Variants in CLEC2D observed in about 807,000 individuals in gnomAD.
CLEC2D encodes C-type lectin domain family 2 member D, also known as C-type lectin related f.
Under a neutral mutation model 20.0 loss-of-function variants are expected in CLEC2D, and 16 were observed. That is an observed-to-expected ratio of 0.80 (90% CI 0.54 to 1.22). The LOEUF (loss-of-function observed/expected upper bound fraction) is 1.22. Ranked by LOEUF, CLEC2D falls within the 50% of genes most tolerant of loss-of-function variation. CLEC2D has a pLI of 0.00. For synonymous variants in CLEC2D, 77 were observed against 71.1 expected (o/e 1.08, Z -0.42); for missense variants, 207 against 221.5 (o/e 0.93, Z 0.42).
intron 3 of CLEC2D, among the ~76,000 whole-genome samples, chr12:9,688,523 G>A (rs1226018393): frequency 1.3e-5 from 2 of 152,148 alleles, no homozygotes; most frequent in Non-Finnish European, 2.9e-5. Flanking sequence ...TTTGAGATCA[G>A]CCTGGCCAAC....
At position 9,697,327 on chromosome 12, in the gene CLEC2D, A is replaced by G. The variant is rs904839517; in HGVS notation, c.*2453A>G. 2 of 152,230 alleles carry G rather than the reference A, an allele frequency of 1.3e-5. No individual in the cohort carries two copies. Among genetic ancestry groups the G allele is most frequent in the African/African-American group, 4.8e-5 (2 of 41,462 alleles). The allele number at this position is 152,230 out of a possible 1,614,324, so 9.4% of individuals were successfully genotyped here. ...CATGAGCGATCTGTGCCTTAAGGAC[A>G]TGTTCCTGCTGCAGTTAACTAGCCC... On this transcript the variant is annotated 3_prime_UTR_variant, in exon 5 of 5. Coordinates refer to ENST00000290855, the MANE Select transcript of CLEC2D (RefSeq NM_013269.6).
At chr12:9,692,540 C>A (rs1269342312) in intron 3 of CLEC2D, among the ~76,000 whole-genome samples, 1 of 152,074 alleles carries the variant, frequency 6.6e-6, no homozygotes, top group Non-Finnish European at 1.5e-5. Context: ...CTTGATAAAA[C>A]CCTGGTGTCA....
chr12:9,695,860 G>GCCT lies in CLEC2D; in HGVS notation c.*986_*987insCCT. 1 of 1,036,120 alleles carries GCCT rather than the reference G, an allele frequency of 9.7e-7. No homozygotes were observed. The highest frequency in any genetic ancestry group is 1.5e-6 in the Non-Finnish European group (1 of 668,914). The allele number at this position is 1,036,120 out of a possible 1,614,324, so 64.2% of individuals were successfully genotyped here. On this transcript the variant is annotated 3_prime_UTR_variant, in exon 5 of 5. Coordinates refer to ENST00000290855, the MANE Select transcript of CLEC2D (RefSeq NM_013269.6). The stretch of plus-strand genomic sequence containing the variant: ...AGTAAAACTTGCTGCTGCTGCTGAT[G>GCCT]ATGATGATGATGAAGATGATGATGA...
At chr12:9,675,994 A>G (rs1377720839) in intron 1 of CLEC2D, among the ~76,000 whole-genome samples, 1 of 152,256 alleles carries the variant, frequency 6.6e-6, no homozygotes, top group Non-Finnish European at 1.5e-5. Flanking sequence ...TGCATTCTGC[A>G]ACCTTACATA....
At chr12:9,682,393 A>C (rs1865654906) in intron 2 of CLEC2D, among the ~76,000 whole-genome samples, 1 of 152,070 alleles carries the variant, frequency 6.6e-6, no homozygotes. Flanking sequence ...TTATACTTTA[A>C]GTTCTGGGAT....
chr12:9,678,991 A>T (rs1321236964), intron 1 of CLEC2D, among the ~76,000 whole-genome samples: 1 of 152,214 alleles, frequency 6.6e-6, no homozygotes, highest in African/African-American at 2.4e-5. Flanking sequence ...AACTAACATA[A>T]GTTTGCTTTC....
chr12:9,695,231 C>T lies in CLEC2D; in HGVS notation c.*357C>T, dbSNP rs1299796948. The stretch of plus-strand genomic sequence containing the variant: ...GGTGGCAGGCAGGGGGACTTGTGCA[C>T]AGGAACTCCTATTTATACAACCATC... On this transcript the variant is annotated 3_prime_UTR_variant, in exon 5 of 5. Transcript: ENST00000290855. 8.1e-6 allele frequency: 5 copies of T among 620,382 alleles called. No individual in the cohort carries two copies. The highest frequency in any genetic ancestry group is 5.5e-5 in the African/African-American group (3 of 54,242). 38.4% of individuals were successfully genotyped at this position (620,382 alleles called of 1,614,324 possible).
At chr12:9,693,620 A>T (rs1039573631) in intron 4 of CLEC2D, 1 of 211,666 alleles carries the variant, frequency 4.7e-6, no homozygotes, top group South Asian at 5.6e-5. Context: ...TTTTCTCATT[A>T]GCTTTTGACC....
At chr12:9,691,959 C>T (rs16923367) in intron 3 of CLEC2D, among the ~76,000 whole-genome samples, 32,928 of 151,968 alleles carry the variant, frequency 0.22, 4,720 homozygotes, top group African/African-American at 0.41. Context: ...TATTTAATTG[C>T]GTTAAAATTC....
intron 3 of CLEC2D, among the ~76,000 whole-genome samples, chr12:9,691,822 C>G (rs1382820307): frequency 6.6e-6 from 1 of 152,054 alleles, no homozygotes; most frequent in African/African-American, 2.4e-5. Flanking sequence ...AATCCATAGC[C>G]TAACTGTACA....
At chr12:9,677,644 G>A (rs1472623194) in intron 1 of CLEC2D, among the ~76,000 whole-genome samples, 4 of 149,362 alleles carry the variant, frequency 2.7e-5, no homozygotes, top group African/African-American at 9.8e-5. Context: ...AATTGATGAT[G>A]TTGCTGAGTT....
chr12:9,692,440 T>A (rs1305696167), intron 3 of CLEC2D, among the ~76,000 whole-genome samples: 4 of 152,068 alleles, frequency 2.6e-5, no homozygotes, highest in Non-Finnish European at 5.9e-5. Context: ...GTGGTGTCAT[T>A]TCTTAAAGTT....
At chr12:9,672,734 A>G (rs933455764) in intron 1 of CLEC2D, among the ~76,000 whole-genome samples, 1 of 152,086 alleles carries the variant, frequency 6.6e-6, no homozygotes, top group African/African-American at 2.4e-5. Flanking sequence ...ACATAGTCCC[A>G]TAGTTCTTGG....
chr12:9,681,032 C>A lies in CLEC2D; in HGVS notation c.171C>A (p.Ser57Arg). ...IIVCGMVAAL[S>R]AIRANCHQEP... The stretch of plus-strand genomic sequence containing the variant: ...TGTGTGGAATGGTTGCTGCTTTAAG[C>A]GGTAAGTGAACTGTAATCTTTATTC... Residue 57 changes from serine (S) to arginine (R), a missense_variant and splice_region_variant, in exon 2 of 5, where the codon AGC becomes AGA. Coordinates refer to ENST00000290855, the MANE Select transcript of CLEC2D (RefSeq NM_013269.6). 1 of 1,473,630 alleles carries A rather than the reference C, an allele frequency of 6.8e-7. No individual in the cohort carries two copies. The highest frequency in any genetic ancestry group is 9.5e-7 in the Non-Finnish European group (1 of 1,055,216). The allele number at this position is 1,473,630 out of a possible 1,614,324, so 91.3% of individuals were successfully genotyped here.
intron 3 of CLEC2D, among the ~76,000 whole-genome samples, chr12:9,688,810 G>GA: frequency 6.6e-6 from 1 of 152,306 alleles, no homozygotes; most frequent in Middle Eastern, 3.4e-3. Context: ...CCTCCACTGA[G>GA]AAAACTATTG....
At chr12:9,681,751 T>A (rs1865639886) in intron 2 of CLEC2D, among the ~76,000 whole-genome samples, 1 of 152,224 alleles carries the variant, frequency 6.6e-6, no homozygotes, top group African/African-American at 2.4e-5. Context: ...ACTGCTTACG[T>A]AACTTAAGAG....
At chr12:9,686,430 A>C (rs983960061) in intron 2 of CLEC2D, among the ~76,000 whole-genome samples, 4 of 152,130 alleles carry the variant, frequency 2.6e-5, no homozygotes, top group African/African-American at 9.7e-5. Context: ...ACATTTTAAT[A>C]GTTATAATTT....
intron 1 of CLEC2D, among the ~76,000 whole-genome samples, chr12:9,673,697 T>C (rs1037498678): frequency 6.6e-6 from 1 of 152,246 alleles, no homozygotes; most frequent in Admixed American, 6.5e-5. Context: ...TCAGGTTCTC[T>C]GACTCAGCGA....
intron 1 of CLEC2D, among the ~76,000 whole-genome samples, chr12:9,678,070 T>C (rs1405966666): frequency 2.0e-5 from 3 of 152,192 alleles, no homozygotes; most frequent in African/African-American, 7.2e-5. Context: ...CCAACTATGA[T>C]AATGAATTCA....
Sources: gnomAD v4.1 joint callset for allele counts (sites outside exome capture counted in the v4.1 genomes callset) on GRCh38, gnomAD v4.1.1 for gene constraint, MANE v1.5 for transcripts, NCBI Gene and HGNC (gene_info 2026-07-23, HGNC 2026-07-21) for gene names.